The following CFHR3 variants were observed in gnomAD, a reference collection of about 807,000 sequenced individuals.
The protein encoded by CFHR3 is complement factor H-related protein 3.
A neutral mutation model predicts 36.0 loss-of-function variants in CFHR3; 22 were observed. The ratio of observed to expected loss-of-function variants is 0.61; its 90% CI spans 0.44 to 0.87. The LOEUF (loss-of-function observed/expected upper bound fraction) is 0.87, where lower values mean the gene tolerates loss of function less well. Among genes scored for constraint, CFHR3 ranks in the 40% least tolerant of loss-of-function variants. The pLI, the probability that CFHR3 is intolerant of heterozygous loss-of-function variation, is 0.00. For synonymous variants in CFHR3, 97 were observed against 137.4 expected (o/e 0.71, Z 2.06); for missense variants, 276 against 401.3 (o/e 0.69, Z 2.67).
chr1:196,782,645 A>G (rs1228356420), intron 3 of CFHR3, among the ~76,000 whole-genome samples: 1 of 137,064 alleles, frequency 7.3e-6, no homozygotes, highest in Non-Finnish European at 1.5e-5. Context: ...ATTTTTGTAC[A>G]TTGATTTTGT....
At chr1:196,780,908 A>T (rs572755836) in intron 3 of CFHR3, among the ~76,000 whole-genome samples, 1 of 128,008 alleles carries the variant, frequency 7.8e-6, no homozygotes, top group Admixed American at 7.5e-5. Flanking sequence ...CCATTAACTC[A>T]TCATTTAGCA....
chr1:196,784,459 C>A (rs1456560289), intron 3 of CFHR3, among the ~76,000 whole-genome samples: 6 of 134,686 alleles, frequency 4.5e-5, no homozygotes, highest in African/African-American at 1.6e-4. Flanking sequence ...TAGGTCACTC[C>A]AGACTTGCTT....
intron 5 of CFHR3, among the ~76,000 whole-genome samples, chr1:196,790,445 G>A (rs1654380723): frequency 7.5e-6 from 1 of 132,682 alleles, no homozygotes; most frequent in African/African-American, 3.2e-5. Flanking sequence ...CAGGAATGTC[G>A]GCCTGGGGTG....
At chr1:196,775,386 A>G (rs1157965681) in intron 1 of CFHR3, among the ~76,000 whole-genome samples, 1 of 137,048 alleles carries the variant, frequency 7.3e-6, no homozygotes, top group Admixed American at 7.1e-5. Context: ...CAAATAATAC[A>G]TTTTAAATTA....
Position 196,788,733 on chromosome 1 carries a change from C to T in CFHR3, c.613+335C>T, listed in dbSNP as rs1186778236. On this transcript the variant is annotated intron_variant, in intron 4 of 5. Transcript: ENST00000367425. ...TGTTGTCTTCCCTTTCTTTGTATTT[C>T]AAAATTATCAGCTGCTTGTATTGCA... 4 of 1,452,786 alleles carry T rather than the reference C, an allele frequency of 2.8e-6. 1 individual carries two copies. The highest frequency in any genetic ancestry group is 3.4e-5 in the African/African-American group (2 of 58,956). The allele number at this position is 1,452,786 out of a possible 1,614,324, so 90.0% of individuals were successfully genotyped here.
rs558381828 is a variant in CFHR3, at chr1:196,778,931, G to A, written c.59-231G>A. ...TTCTTCTTGTCCTGTTAGCTGATTTGGGATCCATTAAGGATTTTAAGTGTA... is the reference window on the plus strand; with the variant it reads ...TTCTTCTTGTCCTGTTAGCTGATTTAGGATCCATTAAGGATTTTAAGTGTA... On this transcript the variant is annotated intron_variant, in intron 1 of 5. Coordinates refer to ENST00000367425, the MANE Select transcript of CFHR3 (RefSeq NM_021023.6). Among the ~76,000 whole-genome samples, 3 of 136,294 alleles carry A rather than the reference G, an allele frequency of 2.2e-5. No individual in the cohort carries two copies. The East Asian group carries it at 5.9e-4, about 27-fold the overall frequency. The allele number at this position is 136,294 out of a possible 152,430, so 89.4% of individuals were successfully genotyped here.
Position 196,789,661 on chromosome 1 carries a change from C to G in CFHR3, c.614-384C>G, listed in dbSNP as rs1313754034. 57 of 1,449,360 alleles carry G rather than the reference C, an allele frequency of 3.9e-5. 5 individuals are homozygous for G. Among genetic ancestry groups the G allele is most frequent in the Non-Finnish European group, 5.2e-5 (56 of 1,082,392 alleles). The allele number at this position is 1,449,360 out of a possible 1,614,324, so 89.8% of individuals were successfully genotyped here. ...GGTTTAAGCTCCGTGACACATTGGA[C>G]TACGAATGCTACGATGGATATGAAA... On this transcript the variant is annotated intron_variant, in intron 4 of 5. Coordinates refer to ENST00000367425, the MANE Select transcript of CFHR3 (RefSeq NM_021023.6).
rs200187674 is a variant in CFHR3, at chr1:196,775,781, T to C, written c.58+837T>C. Among the ~76,000 whole-genome samples the C allele has an allele frequency of 3.6e-5, 5 of 137,102 alleles. 1 individual carries two copies. In the East Asian group the frequency reaches 7.8e-4, roughly 21 times the overall value. The allele number at this position is 137,102 out of a possible 152,430, so 89.9% of individuals were successfully genotyped here. A position where few individuals can be genotyped will look rare whatever the true frequency, so the allele number is the denominator to read the frequency against. On this transcript the variant is annotated intron_variant, in intron 1 of 5. Coordinates refer to ENST00000367425, the MANE Select transcript of CFHR3 (RefSeq NM_021023.6). ...AGGGTGTGTGTCCATTAATGAAGAA[T>C]ACAAATTTTGTAATTATCCAAAACT... is the stretch of plus-strand genomic sequence containing the variant.
Position 196,793,257 on chromosome 1 carries a change from C to T in CFHR3, c.797-60C>T. 8 of 1,358,744 alleles carry T rather than the reference C, an allele frequency of 5.9e-6. 1 individual carries two copies. Among genetic ancestry groups the T allele is most frequent in the Non-Finnish European group, 8.0e-6 (8 of 1,003,474 alleles). 84.2% of individuals were successfully genotyped at this position (1,358,744 alleles called of 1,614,324 possible). On this transcript the variant is annotated intron_variant, in intron 5 of 5. Transcript: ENST00000367425. ...TTATCCTAAACTACTCATTAGGATG[C>T]ATTTTATTTGCTCATGAAAGAGAAA...
intron 2 of CFHR3, 66 bp downstream of exon 2, chr1:196,779,422 T>C: frequency 1.7e-6 from 2 of 1,198,366 alleles, no homozygotes; most frequent in Non-Finnish European, 2.4e-6. Context: ...GGAGAGCACA[T>C]AATTGATTAC....
chr1:196,789,411 A>C (rs377298), intron 4 of CFHR3: 200,156 of 888,710 alleles, frequency 0.23, 44,115 homozygotes, highest in East Asian at 0.54. Flanking sequence ...ATACTTATCA[A>C]GGGCTCTGTG....
In CFHR3 at chr1:196,779,257, TC is replaced by T; in HGVS notation, c.156del (p.Tyr53IlefsTer99). The T allele has an allele frequency of 2.6e-6, 4 of 1,525,944 alleles. 1 individual carries two copies. Among genetic ancestry groups the T allele is most frequent in the Non-Finnish European group, 3.6e-6 (4 of 1,126,592 alleles). 94.5% of individuals were successfully genotyped at this position (1,525,944 alleles called of 1,614,324 possible). A position where few individuals can be genotyped will look rare whatever the true frequency, so the allele number is the denominator to read the frequency against. On this transcript the variant is annotated frameshift_variant, in exon 2 of 6. Coordinates refer to ENST00000367425, the MANE Select transcript of CFHR3 (RefSeq NM_021023.6). LOFTEE classifies it high-confidence loss of function. ...TCCAGTAGCTGTAGGAAAATATTAC[TC>T]CTATTACTGTGATGAACATTTTGAG... is the stretch of plus-strand genomic sequence containing the variant. ...YFPVAVGKYY[S>X]YYCDEHFETP...
In CFHR3 at chr1:196,793,859, A is replaced by G. The variant is rs1654509788; in HGVS notation, c.*346A>G. ...AAATGACTTTAGATTTTATTTGGGG[A>G]AGTAATAATACCATAAAATTAGATA... On this transcript the variant is annotated 3_prime_UTR_variant, in exon 6 of 6. Coordinates refer to ENST00000367425, the MANE Select transcript of CFHR3 (RefSeq NM_021023.6). The G allele has an allele frequency of 5.3e-6, 1 of 189,524 alleles. No homozygotes were observed. Among genetic ancestry groups the G allele is most frequent in the Non-Finnish European group, 1.0e-5 (1 of 98,362 alleles). 11.7% of individuals were successfully genotyped at this position (189,524 alleles called of 1,614,324 possible).
intron 1 of CFHR3, among the ~76,000 whole-genome samples, chr1:196,776,967 T>A (rs1653747275): frequency 7.4e-6 from 1 of 135,694 alleles, no homozygotes; most frequent in Non-Finnish European, 1.6e-5. Flanking sequence ...ATTATCTGTA[T>A]TCATCTATAT....
In CFHR3 at chr1:196,789,109, T is replaced by G. The variant is rs1654322617; in HGVS notation, c.613+711T>G. 7 of 1,048,824 alleles carry G rather than the reference T, an allele frequency of 6.7e-6. 2 individuals carry two copies. The South Asian group carries it at 1.7e-4, about 25-fold the overall frequency. 65.0% of individuals were successfully genotyped at this position (1,048,824 alleles called of 1,614,324 possible). A position where few individuals can be genotyped will look rare whatever the true frequency, so the allele number is the denominator to read the frequency against. ...AAAGTTGATTTTTTTTCTTTCCTCT[T>G]TATATATTCACAAAGAGTTTTAAAG... On this transcript the variant is annotated intron_variant, in intron 4 of 5. Coordinates refer to ENST00000367425, the MANE Select transcript of CFHR3 (RefSeq NM_021023.6).
At chr1:196,785,074 G>A (rs1275808240) in intron 3 of CFHR3, among the ~76,000 whole-genome samples, 2 of 135,530 alleles carry the variant, frequency 1.5e-5, no homozygotes, top group Non-Finnish European at 3.1e-5. Flanking sequence ...GCTTAGTTTG[G>A]CTGGATATGA....
intron 3 of CFHR3, among the ~76,000 whole-genome samples, chr1:196,784,632 CTTTT>C (rs1264967568): frequency 2.2e-5 from 3 of 134,488 alleles, no homozygotes; most frequent in Non-Finnish European, 4.7e-5. Context: ...CAACCCCTGC[CTTTT>C]TTTGTTTTCC....
intron 3 of CFHR3, among the ~76,000 whole-genome samples, chr1:196,783,372 G>T (rs12408759): frequency 0.27 from 35,386 of 131,904 alleles, 9,504 homozygotes; most frequent in East Asian, 0.5. Flanking sequence ...AGTTTCAGAA[G>T]GAATGGTACC....
Position 196,793,574 on chromosome 1 carries a change from G to C in CFHR3, c.*61G>C. On this transcript the variant is annotated 3_prime_UTR_variant, in exon 6 of 6. Coordinates refer to ENST00000367425, the MANE Select transcript of CFHR3 (RefSeq NM_021023.6). The stretch of plus-strand genomic sequence containing the variant: ...CACTTTTCCACTTCTCACTCTTATG[G>C]TCTCAAAGCTTGCAAAGATAGCTTC... 1 of 1,395,240 alleles carries C rather than the reference G, an allele frequency of 7.2e-7. No individual in the cohort carries two copies. Among genetic ancestry groups the C allele is most frequent in the Non-Finnish European group, 9.8e-7 (1 of 1,018,530 alleles). 86.4% of individuals were successfully genotyped at this position (1,395,240 alleles called of 1,614,324 possible).
Sources: gnomAD v4.1 joint callset for allele counts (sites outside exome capture counted in the v4.1 genomes callset) on GRCh38, gnomAD v4.1.1 for gene constraint, MANE v1.5 for transcripts, NCBI Gene and HGNC (gene_info 2026-07-23, HGNC 2026-07-21) for gene names.